Variants in PYY observed in about 807,000 individuals in gnomAD.
PYY encodes peptide YY, also known as peptide tyrosine tyrosine.
Under a neutral mutation model 10.3 loss-of-function variants are expected in PYY, and 12 were observed. The observed-to-expected ratio is 1.17, with a 90% CI of 0.75 to 1.89. The LOEUF (loss-of-function observed/expected upper bound fraction) is 1.89, where lower values mean the gene tolerates loss of function less well. PYY is among the 40% of genes most tolerant of loss of function. The pLI, the probability that PYY is intolerant of heterozygous loss-of-function variation, is 0.00. For missense variants in PYY, 141 were observed against 134.0 expected (o/e 1.05, Z -0.26); for synonymous variants, 66 against 62.0 (o/e 1.06, Z -0.30).
chr17:44,000,573 T>TC (rs2049019212), intron 1 of PYY, among the ~76,000 whole-genome samples: 2 of 150,160 alleles, frequency 1.3e-5, no homozygotes, highest in African/African-American at 4.9e-5. Context: ...TGCACTTTTT[T>TC]TTTTTTTTTT....
intron 1 of PYY, among the ~76,000 whole-genome samples, chr17:43,970,471 C>T (rs953852192): frequency 1.5e-4 from 22 of 151,302 alleles, no homozygotes; most frequent in Non-Finnish European, 2.4e-4. Context: ...TGCACCATTG[C>T]ACTCCAGCCT....
At chr17:44,002,343 G>T (rs1413107366) in intron 1 of PYY, among the ~76,000 whole-genome samples, 1 of 152,222 alleles carries the variant, frequency 6.6e-6, no homozygotes, top group South Asian at 2.1e-4. Context: ...CAGGTGTCAG[G>T]ACTCCAGCAT....
chr17:43,963,623 A>AAAGAAAGAAAGAAAGAAAGG (rs1567927995), intron 2 of PYY, among the ~76,000 whole-genome samples: 1 of 73,484 alleles, frequency 1.4e-5, no homozygotes, highest in African/African-American at 3.7e-5. Flanking sequence ...AGAAAGAAAG[A>AAAGAAAGAAAGAAAGAAAGG]AAGAGAAAGA....
upstream of PYY, among the ~76,000 whole-genome samples, chr17:43,955,147 G>A (rs556683883): frequency 1.4e-4 from 21 of 152,300 alleles, no homozygotes; most frequent in Non-Finnish European, 1.5e-4. Flanking sequence ...TCTGAGAGGC[G>A]GAGTAGGGGA....
At chr17:44,002,696 C>T (rs2049036725) in intron 1 of PYY, among the ~76,000 whole-genome samples, 1 of 152,228 alleles carries the variant, frequency 6.6e-6, no homozygotes, top group African/African-American at 2.4e-5. Context: ...AGACCAGCTC[C>T]ACGGCTTGTG....
intron 1 of PYY, among the ~76,000 whole-genome samples, chr17:43,976,249 ATATG>A (rs2048840769): frequency 1.4e-5 from 2 of 144,844 alleles, no homozygotes; most frequent in African/African-American, 5.4e-5. Flanking sequence ...ATATATACAC[ATATG>A]TATACATGTA....
chr17:43,979,977 C>T (rs1164406394), intron 1 of PYY, among the ~76,000 whole-genome samples: 1 of 152,096 alleles, frequency 6.6e-6, no homozygotes, highest in Non-Finnish European at 1.5e-5. Context: ...ACAAACAAAG[C>T]GCATCAATGC....
intron 2 of PYY, among the ~76,000 whole-genome samples, chr17:43,962,060 T>C (rs2048715988): frequency 6.6e-6 from 1 of 152,144 alleles, no homozygotes; most frequent in African/African-American, 2.4e-5. Context: ...AGTACCTATT[T>C]TCCCCTTCTT....
At chr17:43,963,570 A>AAAGAAAG (rs2048728191) in intron 2 of PYY, among the ~76,000 whole-genome samples, 26 of 104,672 alleles carry the variant, frequency 2.5e-4, no homozygotes, top group African/African-American at 9.0e-4. Flanking sequence ...GGAAGGAAGG[A>AAAGAAAG]AAAGAAAGAA....
intron 1 of PYY, among the ~76,000 whole-genome samples, chr17:43,975,657 T>A (rs1376647092): frequency 6.7e-6 from 1 of 149,706 alleles, no homozygotes; most frequent in Non-Finnish European, 1.5e-5. Flanking sequence ...AAGTCAAGGC[T>A]GCAGTGAGCC....
chr17:43,968,829 C>T (rs981695763), intron 1 of PYY, among the ~76,000 whole-genome samples: 13 of 149,454 alleles, frequency 8.7e-5, no homozygotes, highest in African/African-American at 2.5e-5. Flanking sequence ...ATAAATAAGC[C>T]GAGCTCAGTG....
intron 2 of PYY, 38 bp downstream of exon 2, chr17:43,953,258 T>C (rs1037726335): frequency 6.8e-6 from 11 of 1,607,224 alleles, no homozygotes; most frequent in East Asian, 6.7e-5. Flanking sequence ...GGCCGCAGGG[T>C]GAGAGCCCCA....
rs1567932148 is a variant in PYY, at chr17:43,976,227, ATACATATG to A, written c.-462-9703_-462-9696del. Among the ~76,000 whole-genome samples, 67 of 144,292 alleles carry A rather than the reference ATACATATG, an allele frequency of 4.6e-4. 2 individuals are homozygous for A. Among genetic ancestry groups the A allele is most frequent in the African/African-American group, 1.7e-3 (63 of 37,324 alleles). The allele number at this position is 144,292 out of a possible 152,430, so 94.7% of individuals were successfully genotyped here. ...TACATATACGTATATGTATACATATATACATATGCGTATATATACACATATGTATACAT... is the reference window on the plus strand; with the variant it reads ...TACATATACGTATATGTATACATATACGTATATATACACATATGTATACAT... On this transcript the variant is annotated intron_variant, in intron 1 of 6. Coordinates refer to the PYY transcript ENST00000360085.
chr17:43,956,483 G>A (rs2076459678), upstream of PYY, among the ~76,000 whole-genome samples: 2 of 152,122 alleles, frequency 1.3e-5, no homozygotes, highest in African/African-American at 4.8e-5. Flanking sequence ...GACATGTCTA[G>A]GGTGTGAGGG....
intron 2 of PYY, among the ~76,000 whole-genome samples, chr17:43,959,468 T>C (rs1172655391): frequency 1.3e-5 from 2 of 152,202 alleles, no homozygotes; most frequent in African/African-American, 4.8e-5. Context: ...GCGGATCACC[T>C]GAAGCCAGGA....
rs902997609 is a variant in PYY at position 43,976,307 on chromosome 17, A to G, written c.-462-9775T>C. On this transcript the variant is annotated intron_variant, in intron 1 of 6. Coordinates refer to the PYY transcript ENST00000360085. Reference sequence around the variant, plus strand: ...CGCATATGTATACATGTATACATATACGTATATACACATATACATGTATAC... The same window carrying G: ...CGCATATGTATACATGTATACATATGCGTATATACACATATACATGTATAC... Among the ~76,000 whole-genome samples the G allele has an allele frequency of 1.5e-4, 23 of 151,140 alleles. 1 individual carries two copies. The highest frequency in any genetic ancestry group is 2.5e-4 in the Non-Finnish European group (17 of 67,800).
At chr17:43,961,266 G>A (rs754722182) in intron 2 of PYY, among the ~76,000 whole-genome samples, 20 of 151,592 alleles carry the variant, frequency 1.3e-4, no homozygotes, top group Non-Finnish European at 2.5e-4. Flanking sequence ...AGCAAAGTCG[G>A]GGAGGAGGGA....
intron 1 of PYY, among the ~76,000 whole-genome samples, chr17:43,969,726 A>C (rs977583155): frequency 7.5e-5 from 11 of 146,290 alleles, no homozygotes; most frequent in African/African-American, 2.8e-4. Flanking sequence ...CAACATAGTA[A>C]GACCCTGTCT....
intron 2 of PYY, among the ~76,000 whole-genome samples, chr17:43,961,264 C>T (rs748980309): frequency 1.3e-5 from 2 of 151,122 alleles, no homozygotes; most frequent in Non-Finnish European, 2.9e-5. Flanking sequence ...AAAGCAAAGT[C>T]GGGGAGGAGG....
Sources: allele counts gnomAD v4.1 joint callset (sites outside exome capture counted in the v4.1 genomes callset), GRCh38; gene constraint gnomAD v4.1.1; transcripts MANE v1.5; gene names NCBI Gene and HGNC (gene_info 2026-07-23, HGNC 2026-07-21).